ERCC6L2: variants seen among roughly 807,000 people sequenced by gnomAD.
ERCC6L2 encodes ERCC excision repair 6 like 2.
A neutral mutation model predicts 132.0 loss-of-function variants in ERCC6L2; 77 were observed. The observed-to-expected ratio is 0.58, with a 90% CI of 0.49 to 0.71. ERCC6L2 has a LOEUF of 0.71. ERCC6L2 is among the 30% of genes least tolerant of loss of function. ERCC6L2 has a pLI of 0.00. For synonymous variants in ERCC6L2, 583 were observed against 632.4 expected, an observed-to-expected ratio of 0.92 and a Z score of 1.17; for missense variants, 1,542 against 1,837.6, an observed-to-expected ratio of 0.84 and a Z score of 2.94.
chr9:95,921,624 A>G (rs1829872163), intron 7 of ERCC6L2, among the ~76,000 whole-genome samples: 1 of 152,196 alleles, frequency 6.6e-6, no homozygotes. Flanking sequence ...GAAGTTTCTC[A>G]TTATCCACTA....
intron 13 of ERCC6L2, among the ~76,000 whole-genome samples, chr9:95,959,684 G>GA (rs536311818): frequency 2.7e-5 from 4 of 150,310 alleles, no homozygotes; most frequent in South Asian, 4.2e-4. Flanking sequence ...AAATTTACAA[G>GA]AAAAAAACAA....
At chr9:95,902,783 A>C (rs143146041) in intron 3 of ERCC6L2, among the ~76,000 whole-genome samples, 1 of 152,068 alleles carries the variant, frequency 6.6e-6, no homozygotes, top group African/African-American at 2.4e-5. Context: ...TACATTTCTT[A>C]ATGAGTGAAG....
intron 17 of ERCC6L2, among the ~76,000 whole-genome samples, chr9:95,984,216 A>T (rs1368141840): frequency 2.7e-5 from 4 of 149,386 alleles, no homozygotes; most frequent in African/African-American, 9.8e-5. Context: ...ATGTATATGG[A>T]TAAAGTATAT....
At chr9:95,923,783 C>T (rs570670475) in intron 9 of ERCC6L2, among the ~76,000 whole-genome samples, 2 of 152,130 alleles carry the variant, frequency 1.3e-5, no homozygotes, top group Non-Finnish European at 2.9e-5. Context: ...AAAGGAATTT[C>T]TTGAAGAGTT....
chr9:95,978,391 G>A (rs1266994826), intron 17 of ERCC6L2, among the ~76,000 whole-genome samples, 176 bp downstream of exon 17: 1 of 152,152 alleles, frequency 6.6e-6, no homozygotes, highest in Non-Finnish European at 1.5e-5. Flanking sequence ...AGACGTTTTA[G>A]ATTAAACAAC....
chr9:95,985,119 C>T (rs1203006307), intron 17 of ERCC6L2, among the ~76,000 whole-genome samples: 2 of 152,212 alleles, frequency 1.3e-5, no homozygotes, highest in African/African-American at 4.8e-5. Context: ...CACTCAGTTT[C>T]AGGTTCCTTT....
At chr9:95,996,955 G>A (rs760713775) in intron 17 of ERCC6L2, among the ~76,000 whole-genome samples, 6 of 152,158 alleles carry the variant, frequency 3.9e-5, no homozygotes, top group African/African-American at 1.4e-4. Flanking sequence ...ATACAGAGCC[G>A]GGCACAGTGG....
chr9:95,969,695 TG>T (rs1485260553), intron 14 of ERCC6L2, among the ~76,000 whole-genome samples: 1 of 152,208 alleles, frequency 6.6e-6, no homozygotes, highest in Non-Finnish European at 1.5e-5. Flanking sequence ...ATCCCATTGC[TG>T]TAATAGCTTC....
At chr9:95,957,036 G>A (rs1408792701) in intron 13 of ERCC6L2, among the ~76,000 whole-genome samples, 1 of 152,132 alleles carries the variant, frequency 6.6e-6, no homozygotes, top group Admixed American at 6.6e-5. Context: ...TAGGAATAGA[G>A]CTTAAGTGTG....
chr9:96,002,671 T>C (rs1275133376), intron 17 of ERCC6L2, among the ~76,000 whole-genome samples: 1 of 152,120 alleles, frequency 6.6e-6, no homozygotes, highest in Non-Finnish European at 1.5e-5. Context: ...GGGCTAAAAG[T>C]AATCTGCCTA....
intron 1 of ERCC6L2, among the ~76,000 whole-genome samples, chr9:95,878,877 G>A (rs1752104998): frequency 6.6e-6 from 1 of 151,566 alleles, no homozygotes; most frequent in South Asian, 2.1e-4. Flanking sequence ...TGGTGTATAT[G>A]TGCCACATTT....
In ERCC6L2 at chr9:95,946,159, A is replaced by G. The variant is rs115951712; in HGVS notation, c.1847+4610A>G. On this transcript the variant is annotated intron_variant, in intron 12 of 18. Transcript: ENST00000653738. ...AGTTGTAATAGTCACTACATAACAA[A>G]GCCAAAACTCTTATATATGATGAGA... 4.1e-3 allele frequency among the ~76,000 whole-genome samples: 622 copies of G among 152,332 alleles called. 7 individuals carry two copies. Among genetic ancestry groups the G allele is most frequent in the African/African-American group, 0.014 (593 of 41,566 alleles).
At chr9:95,896,485 A>G (rs912490358) in intron 2 of ERCC6L2, among the ~76,000 whole-genome samples, 14 of 150,002 alleles carry the variant, frequency 9.3e-5, no homozygotes, top group African/African-American at 2.7e-4. Context: ...GCAGTGGTGC[A>G]GTCACGGCCC....
At chr9:95,918,701 C>G in intron 6 of ERCC6L2, 1 of 193,556 alleles carries the variant, frequency 5.2e-6, no homozygotes. Flanking sequence ...TTCTTAAAGA[C>G]TAGAGCAGAA....
At chr9:95,880,837 C>T (rs1827549090) in intron 1 of ERCC6L2, 32 bp from the exon 2 acceptor site, 2 of 1,556,904 alleles carry the variant, frequency 1.3e-6, no homozygotes, top group Admixed American at 2.0e-5. Flanking sequence ...TATAAGCTAG[C>T]TTTGGAAACT....
chr9:95,967,657 T>G (rs1460055283), intron 14 of ERCC6L2: 1 of 152,192 alleles, frequency 6.6e-6, no homozygotes, highest in Admixed American at 6.5e-5. Context: ...TAAATGTTGT[T>G]ACTATTATAC....
intron 16 of ERCC6L2, 33 bp from the exon 17 acceptor site, chr9:95,978,028 T>C (rs773254314): frequency 7.5e-7 from 1 of 1,340,710 alleles, no homozygotes; most frequent in Non-Finnish European, 9.9e-7. Context: ...TTTATACTGA[T>C]ACATCACTTA....
chr9:95,891,867 A>T (rs893168697), intron 2 of ERCC6L2, among the ~76,000 whole-genome samples: 2 of 152,112 alleles, frequency 1.3e-5, no homozygotes, highest in African/African-American at 4.8e-5. Context: ...ATATATATTT[A>T]AGTCTTTTGC....
chr9:95,923,934 C>T lies in ERCC6L2; in HGVS notation c.1533+555C>T, dbSNP rs1311943028. 5.5e-5 allele frequency among the ~76,000 whole-genome samples: 8 copies of T among 145,802 alleles called. No individual in the cohort carries two copies. The South Asian group carries it at 1.1e-3, about 19-fold the overall frequency. The stretch of plus-strand genomic sequence containing the variant: ...TGTGCTGCTCTTGGTAATGTGTTAC[C>T]GAGGGAAGGGTGGGAAAAGTAAGGC... On this transcript the variant is annotated intron_variant, in intron 9 of 18. Coordinates refer to ENST00000653738, the MANE Select transcript of ERCC6L2 (RefSeq NM_020207.7).
Sources: allele counts gnomAD v4.1 joint callset (sites outside exome capture counted in the v4.1 genomes callset), GRCh38; gene constraint gnomAD v4.1.1; transcripts MANE v1.5; gene names NCBI Gene and HGNC (gene_info 2026-07-23, HGNC 2026-07-21).